Variants in FHOD3 observed in about 807,000 individuals in gnomAD.
FHOD3 encodes FH1/FH2 domain-containing protein 3.
Under a neutral mutation model 173.0 loss-of-function variants are expected in FHOD3, and 90 were observed. That is an observed-to-expected ratio of 0.52 (90% CI 0.44 to 0.62). FHOD3 has a LOEUF of 0.62. Ranked by LOEUF, FHOD3 falls within the 20% of genes least tolerant of loss-of-function variation. The pLI is 0.00. For synonymous variants in FHOD3, 828 were observed against 823.0 expected, an observed-to-expected ratio of 1.01 and a Z score of -0.10; for missense variants, 1,945 against 2,034.7, an observed-to-expected ratio of 0.96 and a Z score of 0.85.
chr18:36,346,717 CT>C (rs2045895520), intron 1 of FHOD3, among the ~76,000 whole-genome samples: 1 of 152,176 alleles, frequency 6.6e-6, no homozygotes, highest in South Asian at 2.1e-4. Flanking sequence ...TTTGTCTTCC[CT>C]CTTCCATCCC....
At chr18:36,708,306 G>T (rs763919052) in intron 17 of FHOD3, among the ~76,000 whole-genome samples, 1 of 152,178 alleles carries the variant, frequency 6.6e-6, no homozygotes, top group Non-Finnish European at 1.5e-5. Flanking sequence ...AGAAAAGGGT[G>T]ATGAACCTCA....
Position 36,769,271 on chromosome 18 carries a change from C to G in FHOD3, c.4631C>G (p.Thr1544Ser). The change falls in exon 28 of 29, where the codon ACT becomes AGT. Residue 1544 changes from threonine to serine, a missense_variant. Thr to Ser is a moderately conservative substitution (Grantham distance 58, BLOSUM62 1). Coordinates refer to ENST00000590592, the MANE Select transcript of FHOD3 (RefSeq NM_001281740.3). ...RTRSRASRGS[T>S]SSWTMGTDDS... ...CTGGCTGTTTAATTTTTAGGATCCA[C>G]TAGTTCCTGGACTATGGGAACTGAT... The G allele has an allele frequency of 3.1e-6, 5 of 1,614,034 alleles. No homozygotes were observed. Among genetic ancestry groups the G allele is most frequent in the Non-Finnish European group, 3.4e-6 (4 of 1,179,952 alleles).
At chr18:36,684,134 C>A (rs906867670) in intron 15 of FHOD3, among the ~76,000 whole-genome samples, 1 of 152,120 alleles carries the variant, frequency 6.6e-6, no homozygotes, top group African/African-American at 2.4e-5. Context: ...CACCCAGATC[C>A]CAGAAAACTG....
intron 14 of FHOD3, among the ~76,000 whole-genome samples, chr18:36,660,759 T>C (rs2036739617): frequency 6.6e-6 from 1 of 152,200 alleles, no homozygotes; most frequent in South Asian, 2.1e-4. Context: ...AGGTGTGGAC[T>C]CAGCAGTCCT....
rs190934360 is a variant in FHOD3, at chr18:36,752,479, G to C, written c.4233-2640G>C. Among the ~76,000 whole-genome samples, 61 of 152,278 alleles carry C rather than the reference G, an allele frequency of 4.0e-4. 1 individual carries two copies. The East Asian group carries it at 0.011, about 27-fold the overall frequency. ...ACTTGTGCTTTGGCTTACTGGTTAG[G>C]GGGGCCAGCCTGCCCATAACCATAC... On this transcript the variant is annotated intron_variant, in intron 24 of 28. Coordinates refer to ENST00000590592, the MANE Select transcript of FHOD3 (RefSeq NM_001281740.3).
chr18:36,689,090 C>T (rs2038805125), intron 16 of FHOD3, among the ~76,000 whole-genome samples: 1 of 152,110 alleles, frequency 6.6e-6, no homozygotes, highest in South Asian at 2.1e-4. Context: ...TTTGGCTCAG[C>T]CATTTTTCTT....
At chr18:36,700,060 C>G (rs2039498026) in intron 17 of FHOD3, among the ~76,000 whole-genome samples, 1 of 152,114 alleles carries the variant, frequency 6.6e-6, no homozygotes, top group African/African-American at 2.4e-5. Flanking sequence ...TGTTTGGTTG[C>G]AATCCTCTCA....
At chr18:36,637,275 T>C (rs1236213851) in intron 10 of FHOD3, among the ~76,000 whole-genome samples, 1 of 152,218 alleles carries the variant, frequency 6.6e-6, no homozygotes, top group Non-Finnish European at 1.5e-5. Context: ...CATTTGTTCA[T>C]CTAACTCCTA....
At chr18:36,682,844 G>C (rs1246358999) in intron 15 of FHOD3, among the ~76,000 whole-genome samples, 1 of 152,190 alleles carries the variant, frequency 6.6e-6, no homozygotes, top group African/African-American at 2.4e-5. Flanking sequence ...CTCCCAAAGT[G>C]CTGGGATTAC....
rs76106605 is a variant in FHOD3 at position 36,635,233 on chromosome 18, C to T, written c.1196+9484C>T. Among the ~76,000 whole-genome samples the T allele has an allele frequency of 4.6e-3, 706 of 152,196 alleles. 5 individuals are homozygous for T. The highest frequency in any genetic ancestry group is 7.7e-3 in the Non-Finnish European group (524 of 68,012). ...TTTGCAATGCTCCTGGTATCTGGGGCGGGATTGGCTTCTCAAATATTCGTT... is the reference window on the plus strand; with the variant it reads ...TTTGCAATGCTCCTGGTATCTGGGGTGGGATTGGCTTCTCAAATATTCGTT... On this transcript the variant is annotated intron_variant, in intron 10 of 28. Transcript: ENST00000590592.
chr18:36,384,259 A>C (rs1217489024), intron 3 of FHOD3, among the ~76,000 whole-genome samples: 4 of 152,112 alleles, frequency 2.6e-5, no homozygotes, highest in Non-Finnish European at 5.9e-5. Context: ...GGGCGCCTGT[A>C]GTCCTAGCTA....
intron 14 of FHOD3, among the ~76,000 whole-genome samples, chr18:36,662,257 G>A (rs984704920): frequency 6.6e-6 from 1 of 152,128 alleles, no homozygotes; most frequent in Non-Finnish European, 1.5e-5. Context: ...GAAACAGTAC[G>A]CCCAAGCCCT....
chr18:36,714,057 G>GA (rs1383300179), intron 18 of FHOD3, among the ~76,000 whole-genome samples: 2 of 151,458 alleles, frequency 1.3e-5, no homozygotes, highest in African/African-American at 2.4e-5. Flanking sequence ...ACGAAAGGAA[G>GA]AAAAAAAAGT....
chr18:36,658,242 A>T lies in FHOD3; in HGVS notation c.1835+54A>T, dbSNP rs544890434. On this transcript the variant is annotated intron_variant, in intron 14 of 28. Transcript: ENST00000590592. Reference sequence around the variant, plus strand: ...CACAGTCCTCAAGTGAGGGGAATCAATTTGGTTAAGTGTGGTTAAAGGAAA... The same window carrying T: ...CACAGTCCTCAAGTGAGGGGAATCATTTTGGTTAAGTGTGGTTAAAGGAAA... 6.3e-6 allele frequency: 8 copies of T among 1,272,886 alleles called. No individual in the cohort carries two copies. In the Admixed American group the frequency reaches 2.0e-4, roughly 32 times the overall value. 78.8% of individuals were successfully genotyped at this position (1,272,886 alleles called of 1,614,324 possible).
At chr18:36,394,553 G>T (rs564770666) in intron 3 of FHOD3, among the ~76,000 whole-genome samples, 17 of 152,270 alleles carry the variant, frequency 1.1e-4, no homozygotes, top group African/African-American at 3.6e-4. Context: ...TATTTGATGG[G>T]TTTCAATCAG....
chr18:36,362,833 A>G (rs979061227), intron 2 of FHOD3, among the ~76,000 whole-genome samples: 2 of 152,250 alleles, frequency 1.3e-5, no homozygotes, highest in Non-Finnish European at 2.9e-5. Context: ...TATCATGGAA[A>G]AAAAGTGGAT....
rs8093930 is a variant in FHOD3, at chr18:36,672,270, A to G, written c.1836-9166A>G. Among the ~76,000 whole-genome samples, 1,404 of 152,332 alleles carry G rather than the reference A, an allele frequency of 9.2e-3. 25 individuals carry two copies. Among genetic ancestry groups the G allele is most frequent in the African/African-American group, 0.032 (1,313 of 41,572 alleles). ...ATCCTGTTTCAGTCAGCTTTTAACT[A>G]CATAAGAAACCACCAAAACATGGTG... On this transcript the variant is annotated intron_variant, in intron 14 of 28. Coordinates refer to ENST00000590592, the MANE Select transcript of FHOD3 (RefSeq NM_001281740.3).
intron 9 of FHOD3, among the ~76,000 whole-genome samples, chr18:36,624,488 C>T (rs973025838): frequency 2.6e-5 from 4 of 151,966 alleles, no homozygotes; most frequent in Non-Finnish European, 4.4e-5. Context: ...TCCCTGGCTA[C>T]GAAGAGTCAT....
intron 17 of FHOD3, among the ~76,000 whole-genome samples, chr18:36,702,019 G>T (rs780896536): frequency 6.6e-6 from 1 of 152,228 alleles, no homozygotes; most frequent in African/African-American, 2.4e-5. Flanking sequence ...TATTGAATCA[G>T]TATTTTGCAA....
Sources: allele counts gnomAD v4.1 joint callset (sites outside exome capture counted in the v4.1 genomes callset), GRCh38; gene constraint gnomAD v4.1.1; transcripts MANE v1.5; gene names NCBI Gene and HGNC (gene_info 2026-07-23, HGNC 2026-07-21).